Variants in GNG2 observed in about 807,000 individuals in gnomAD.
GNG2 encodes the protein guanine nucleotide-binding protein G(I)/G(S)/G(O) subunit gamma-2.
A neutral mutation model predicts 5.5 loss-of-function variants in GNG2; 5 were observed. The observed-to-expected ratio is 0.91, with a 90% CI of 0.48 to 1.92. The LOEUF (loss-of-function observed/expected upper bound fraction) is 1.92. GNG2 is among the 30% of genes most tolerant of loss of function. The probability of loss-of-function intolerance (pLI) is 0.01; values close to 1 mark genes in which losing one functional copy is unlikely to be tolerated. For missense variants in GNG2, 55 were observed against 88.4 expected (o/e 0.62, Z 1.52); for synonymous variants, 28 against 32.0 (o/e 0.88, Z 0.42).
At chr14:51,878,269 A>G (rs577487086) in intron 2 of GNG2, among the ~76,000 whole-genome samples, 3 of 152,314 alleles carry the variant, frequency 2.0e-5, no homozygotes, top group Admixed American at 6.5e-5. Flanking sequence ...TTCTCTAGTC[A>G]ATGACTTAGA....
intron 2 of GNG2, chr14:51,916,410 C>T (rs761447531): frequency 4.3e-5 from 19 of 446,692 alleles, no homozygotes; most frequent in South Asian, 2.4e-4. Flanking sequence ...TGGCTTCCCA[C>T]GAGGACCTAT....
At chr14:51,906,753 A>ATC (rs1885944914) in intron 2 of GNG2, among the ~76,000 whole-genome samples, 1 of 52,418 alleles carries the variant, frequency 1.9e-5, no homozygotes, top group Admixed American at 2.2e-4. Flanking sequence ...CTGCTGGAGA[A>ATC]TCTCTTTTTT....
intron 2 of GNG2, among the ~76,000 whole-genome samples, chr14:51,943,030 C>T (rs527887244): frequency 1.3e-5 from 2 of 152,216 alleles, no homozygotes; most frequent in Non-Finnish European, 2.9e-5. Flanking sequence ...AGAACCTACC[C>T]TGACTCCATT....
rs142157555 is a variant in GNG2 at position 51,933,679 on chromosome 14, G to T, written c.-29-16971G>T. 1.7e-3 allele frequency among the ~76,000 whole-genome samples: 252 copies of T among 152,332 alleles called. 4 individuals are homozygous for T. In the East Asian group the frequency reaches 0.021, roughly 13 times the overall value. ...GAGCCGCTGCTCGAGTGAAGGGGCTGCCCTAAGACAGGGGCAGGAGTGTTC... is the reference window on the plus strand; with the variant it reads ...GAGCCGCTGCTCGAGTGAAGGGGCTTCCCTAAGACAGGGGCAGGAGTGTTC... On this transcript the variant is annotated intron_variant, in intron 2 of 3. Coordinates refer to ENST00000556766, the MANE Select transcript of GNG2 (RefSeq NM_053064.5).
At chr14:51,898,776 C>G (rs988922318) in intron 2 of GNG2, among the ~76,000 whole-genome samples, 43 of 152,206 alleles carry the variant, frequency 2.8e-4, no homozygotes, top group Non-Finnish European at 1.3e-4. Flanking sequence ...GCTCCTGGAA[C>G]CAAGGCACTG....
At chr14:51,857,129 A>C (rs140230450), upstream of GNG2, among the ~76,000 whole-genome samples, 365 of 152,316 alleles carry the variant, frequency 2.4e-3, 2 homozygotes, top group African/African-American at 8.3e-3. Flanking sequence ...ACCTGAAAAT[A>C]ATGGCTTTAG....
chr14:51,936,544 TTTTTTTTTAGTTCTTA>T (rs1888018171), intron 2 of GNG2, among the ~76,000 whole-genome samples: 1 of 151,986 alleles, frequency 6.6e-6, no homozygotes, highest in East Asian at 1.9e-4. Flanking sequence ...CCATTGATTT[TTTTTTTTTAGTTCTTA>T]TTTTTTTAGA....
chr14:51,865,159 G>C (rs1001487615), intron 1 of GNG2, among the ~76,000 whole-genome samples: 1 of 152,152 alleles, frequency 6.6e-6, no homozygotes. Context: ...TTGTCCATGT[G>C]CTGGGGGCCA....
intron 1 of GNG2, among the ~76,000 whole-genome samples, chr14:51,864,826 A>T (rs1226247892): frequency 6.6e-6 from 1 of 152,212 alleles, no homozygotes; most frequent in Non-Finnish European, 1.5e-5. Flanking sequence ...GGGAGCAGTA[A>T]CTTGTGGGGA....
Position 51,968,893 on chromosome 14 carries a change from AT to A in GNG2, c.*2207del, listed in dbSNP as rs1164001071. 3 of 152,208 alleles carry A rather than the reference AT, an allele frequency of 2.0e-5. No individual in the cohort carries two copies. The highest frequency in any genetic ancestry group is 2.0e-4 in the Admixed American group (3 of 15,286). The allele number at this position is 152,208 out of a possible 1,614,324, so 9.4% of individuals were successfully genotyped here. A position where few individuals can be genotyped will look rare whatever the true frequency, so the allele number is the denominator to read the frequency against. ...AAGGACTCTTTATATTTCCATGTAA[AT>A]CTAGATCTTTGGAGCAATTAAGATG... is the stretch of plus-strand genomic sequence containing the variant. On this transcript the variant is annotated 3_prime_UTR_variant, in exon 4 of 4. Coordinates refer to ENST00000556766, the MANE Select transcript of GNG2 (RefSeq NM_053064.5).
At chr14:51,909,497 C>T (rs1886159304) in intron 2 of GNG2, among the ~76,000 whole-genome samples, 1 of 152,152 alleles carries the variant, frequency 6.6e-6, no homozygotes, top group Non-Finnish European at 1.5e-5. Context: ...GTATACCTTA[C>T]TATGATTTTG....
At chr14:51,856,220 G>A (rs186906210), upstream of GNG2, among the ~76,000 whole-genome samples, 3 of 152,050 alleles carry the variant, frequency 2.0e-5, no homozygotes, top group African/African-American at 7.2e-5. Flanking sequence ...TGGGCATGGC[G>A]GGGGAGGAGA....
chr14:51,937,885 A>G (rs556941404), intron 2 of GNG2, among the ~76,000 whole-genome samples: 1 of 152,278 alleles, frequency 6.6e-6, no homozygotes, highest in African/African-American at 2.4e-5. Context: ...TACAGGCCTG[A>G]AGGGGAGAAG....
At chr14:51,850,128 A>G (rs1231179685) in intron 2 of GNG2, among the ~76,000 whole-genome samples, 1 of 152,224 alleles carries the variant, frequency 6.6e-6, no homozygotes, top group Non-Finnish European at 1.5e-5. Context: ...TGAAAGCAGC[A>G]TAGTTGCCTC....
chr14:51,865,088 G>A (rs1882786175), intron 1 of GNG2, among the ~76,000 whole-genome samples: 1 of 152,158 alleles, frequency 6.6e-6, no homozygotes, highest in East Asian at 1.9e-4. Context: ...GGGGTCAGAC[G>A]TTGACCTTGA....
chr14:51,834,715 A>G (rs1310496174), intron 2 of GNG2, among the ~76,000 whole-genome samples: 3 of 152,218 alleles, frequency 2.0e-5, no homozygotes, highest in Non-Finnish European at 4.4e-5. Context: ...GATGTCACCT[A>G]AGTGAATTTG....
intron 2 of GNG2, chr14:51,827,855 G>T: frequency 1.6e-6 from 1 of 637,202 alleles, no homozygotes; most frequent in East Asian, 2.8e-5. Flanking sequence ...AGAGGAAAAC[G>T]TTGAAGTGTT....
intron 2 of GNG2, among the ~76,000 whole-genome samples, chr14:51,886,959 T>G (rs1464862639): frequency 6.6e-6 from 1 of 152,216 alleles, no homozygotes; most frequent in African/African-American, 2.4e-5. Context: ...AAGTCTTGCA[T>G]GAAGGAATGG....
At chr14:51,908,557 TCTATCC>T (rs1279942742) in intron 2 of GNG2, among the ~76,000 whole-genome samples, 27 of 144,036 alleles carry the variant, frequency 1.9e-4, no homozygotes, top group African/African-American at 7.0e-4. Flanking sequence ...TATCTATCTA[TCTATCC>T]ATATATATAG....
Sources: gnomAD v4.1 joint callset for allele counts (sites outside exome capture counted in the v4.1 genomes callset) on GRCh38, gnomAD v4.1.1 for gene constraint, MANE v1.5 for transcripts, NCBI Gene and HGNC (gene_info 2026-07-23, HGNC 2026-07-21) for gene names.